The following ZNF75D variants were observed in gnomAD, a reference collection of about 807,000 sequenced individuals.
ZNF75D encodes the protein zinc finger protein 75.
Under a neutral mutation model 33.3 loss-of-function variants are expected in ZNF75D, and 33 were observed. The ratio of observed to expected loss-of-function variants is 0.99; its 90% CI spans 0.75 to 1.32. The LOEUF (loss-of-function observed/expected upper bound fraction) is 1.32, where lower values mean the gene tolerates loss of function less well. Among genes scored for constraint, ZNF75D ranks in the 40% most tolerant of loss-of-function variants. The pLI, the probability that ZNF75D is intolerant of heterozygous loss-of-function variation, is 0.00. For synonymous variants in ZNF75D, 113 were observed against 130.6 expected, an observed-to-expected ratio of 0.87 and a Z score of 0.92; for missense variants, 338 against 367.5, an observed-to-expected ratio of 0.92 and a Z score of 0.66.
intron 1 of ZNF75D, among the ~76,000 whole-genome samples, chrX:135,280,280 G>C (rs1472638231): frequency 1.8e-5 from 2 of 111,704 alleles, no homozygotes; most frequent in Non-Finnish European, 3.8e-5. Flanking sequence ...TTTAAAGTCT[G>C]TTTTATCAGA....
At chrX:135,250,493 G>A (rs2083777521) in intron 3 of ZNF75D, among the ~76,000 whole-genome samples, 1 of 107,320 alleles carries the variant, frequency 9.3e-6, no homozygotes. Flanking sequence ...AACAGACAGT[G>A]CCAAAAAGAT....
At chrX:135,295,010 A>G (rs1221158350) in intron 2 of ZNF75D, among the ~76,000 whole-genome samples, 2 of 112,009 alleles carry the variant, frequency 1.8e-5, no homozygotes, top group African/African-American at 6.5e-5. Context: ...CTTTACATAT[A>G]TACAAATGTC....
chrX:135,338,520 G>A (rs2084744797), intron 1 of ZNF75D, among the ~76,000 whole-genome samples: 2 of 112,329 alleles, frequency 1.8e-5, no homozygotes, highest in Admixed American at 1.9e-4. Context: ...TTCAGCTAGA[G>A]AAATTTCCTA....
chrX:135,293,985 G>C lies in ZNF75D; in HGVS notation c.156C>G (p.Phe52Leu). The stretch of plus-strand genomic sequence containing the variant: ...TTGCTTCATGATAACGGAAGCTCCA[G>C]AAGTGCCTGCAAGCGCTCTCAGGAC... ...NLGPESACRHFWSFRYHEATG... is the reference protein window; with the variant it reads ...NLGPESACRHLWSFRYHEATG... The change falls in exon 3 of 7, where the codon TTC (phenylalanine) becomes TTG (leucine). Residue 52 changes from phenylalanine to leucine, a missense_variant. Physicochemically the swap from Phe to Leu is conservative, Grantham distance 22. This residue lies in a region of ZNF75D where 254 missense variants were observed against 267.7 expected (regional missense o/e 0.95). Transcript: ENST00000370766. 8.2e-7 allele frequency: 1 copy of C among 1,212,192 alleles called. No homozygotes were observed. Among genetic ancestry groups the C allele is most frequent in the Non-Finnish European group, 1.1e-6 (1 of 895,583 alleles).
intron 1 of ZNF75D, among the ~76,000 whole-genome samples, chrX:135,299,290 C>T (rs1266449705): frequency 8.9e-6 from 1 of 111,957 alleles, no homozygotes; most frequent in Non-Finnish European, 1.9e-5. Flanking sequence ...TTCTTGCTAA[C>T]ACTTGTTATT....
At chrX:135,257,791 G>C (rs1294889856) in intron 1 of ZNF75D, among the ~76,000 whole-genome samples, 1 of 111,861 alleles carries the variant, frequency 8.9e-6, no homozygotes, top group Non-Finnish European at 1.9e-5. Flanking sequence ...GGCAATCCAA[G>C]GAATTCTTAG....
At chrX:135,284,122 G>A (rs781903190), downstream of ZNF75D, among the ~76,000 whole-genome samples, 1 of 111,637 alleles carries the variant, frequency 9.0e-6, no homozygotes, top group East Asian at 2.8e-4. Flanking sequence ...CTGTCTGTGG[G>A]ATCAAGAATT....
At chrX:135,336,355 T>C (rs1454511326) in intron 1 of ZNF75D, among the ~76,000 whole-genome samples, 1 of 113,035 alleles carries the variant, frequency 8.8e-6, no homozygotes, top group Admixed American at 9.3e-5. Context: ...TATTTTGTTA[T>C]AGCAGCCCAA....
chrX:135,295,374 C>T (rs1556422575), intron 2 of ZNF75D, among the ~76,000 whole-genome samples: 1 of 112,247 alleles, frequency 8.9e-6, no homozygotes, highest in African/African-American at 3.2e-5. Context: ...GTAGACATTA[C>T]TGCCCCAAAT....
intron 1 of ZNF75D, among the ~76,000 whole-genome samples, chrX:135,263,423 G>C (rs1302234756): frequency 8.8e-6 from 1 of 113,129 alleles, no homozygotes; most frequent in Non-Finnish European, 1.9e-5. Flanking sequence ...TACCCACAGA[G>C]GTGGAGTCTA....
intron 1 of ZNF75D, among the ~76,000 whole-genome samples, chrX:135,324,017 A>ACACG (rs2084529925): frequency 9.1e-6 from 1 of 110,202 alleles, no homozygotes; most frequent in African/African-American, 3.3e-5. Context: ...ACACACACAC[A>ACACG]CACACACGCA....
At chrX:135,312,647 C>A (rs1197461006) in intron 1 of ZNF75D, among the ~76,000 whole-genome samples, 1 of 109,980 alleles carries the variant, frequency 9.1e-6, no homozygotes, top group African/African-American at 3.3e-5. Flanking sequence ...CACATCCTTG[C>A]CAGCATCTGT....
chrX:135,260,206 T>C (rs2083832975), intron 1 of ZNF75D, among the ~76,000 whole-genome samples: 1 of 112,270 alleles, frequency 8.9e-6, no homozygotes. Flanking sequence ...TAGTATTTTA[T>C]TGAGGATTTT....
chrX:135,299,541 A>C (rs2084184411), intron 1 of ZNF75D, among the ~76,000 whole-genome samples: 1 of 112,161 alleles, frequency 8.9e-6, no homozygotes, highest in African/African-American at 3.2e-5. Flanking sequence ...CAGACATATA[A>C]TTTGCACATT....
intron 1 of ZNF75D, among the ~76,000 whole-genome samples, chrX:135,336,170 A>G (rs1254443426): frequency 9.0e-6 from 1 of 111,125 alleles, no homozygotes; most frequent in Non-Finnish European, 1.9e-5. Context: ...AAGAGGCCTG[A>G]GTGAGTCCCC....
At chrX:135,291,655 C>A in intron 4 of ZNF75D, 92 bp from the exon 5 acceptor site, 1 of 1,122,004 alleles carries the variant, frequency 8.9e-7, no homozygotes, top group South Asian at 2.1e-5. Context: ...AGGATGCCTT[C>A]AGTAAAGATG....
chrX:135,262,834 T>G (rs1210034075), intron 1 of ZNF75D, among the ~76,000 whole-genome samples: 3 of 112,706 alleles, frequency 2.7e-5, no homozygotes, highest in Non-Finnish European at 5.6e-5. Flanking sequence ...TTTGTTCTGT[T>G]GTTGGCGAGG....
At position 135,287,769 on chromosome X, in the gene ZNF75D, C is replaced by T. The variant is rs139971483; in HGVS notation, c.901G>A (p.Glu301Lys). The change falls in exon 7 of 7, where the codon GAA becomes AAA. Residue 301 changes from glutamate to lysine, a missense_variant. Physicochemically the swap from Glu to Lys is moderately conservative, Grantham distance 56 (BLOSUM62 1). Coordinates refer to ENST00000370766, the MANE Select transcript of ZNF75D (RefSeq NM_007131.5). Reference protein sequence around the residue: ...STSEIQTSGCEVSKKTRMKIA... With the variant: ...STSEIQTSGCKVSKKTRMKIA... ...TTCATTCTGGTCTTTTTTGATACTT[C>T]GCATCCTGATGTTTGTATTTCTGAT... 1.1e-4 allele frequency: 136 copies of T among 1,208,466 alleles called. No homozygotes were observed. The highest frequency in any genetic ancestry group is 2.9e-4 in the Admixed American group (13 of 45,348).
Position 135,286,719 on chromosome X carries a change from C to A in ZNF75D, c.*418G>T, listed in dbSNP as rs2083958212. The A allele has an allele frequency of 8.2e-6, 1 of 121,860 alleles. No individual in the cohort carries two copies. The highest frequency in any genetic ancestry group is 3.4e-4 in the South Asian group (1 of 2,904). 10.0% of individuals were successfully genotyped at this position (121,860 alleles called of 1,213,427 possible). A position where few individuals can be genotyped will look rare whatever the true frequency, so the allele number is the denominator to read the frequency against. ...CCCTAATTTAGTAATTCTCTCTGAG[C>A]TCCCTTAAGAGGGCCCAAGTACTCT... On this transcript the variant is annotated 3_prime_UTR_variant, in exon 7 of 7. Coordinates refer to ENST00000370766, the MANE Select transcript of ZNF75D (RefSeq NM_007131.5).
Sources: gnomAD v4.1 joint callset for allele counts (sites outside exome capture counted in the v4.1 genomes callset) on GRCh38, gnomAD v4.1.1 for gene constraint, gnomAD v4.1.1 regional missense constraint, MANE v1.5 for transcripts, NCBI Gene and HGNC (gene_info 2026-07-23, HGNC 2026-07-21) for gene names.